WDFY1: variants seen among roughly 807,000 people sequenced by gnomAD.
WDFY1 encodes the protein WD repeat and FYVE domain containing 1.
A neutral mutation model predicts 56.4 loss-of-function variants in WDFY1; 32 were observed. The ratio of observed to expected loss-of-function variants is 0.57; its 90% CI spans 0.43 to 0.76. WDFY1 has a LOEUF of 0.76. Among genes scored for constraint, WDFY1 ranks in the 30% least tolerant of loss-of-function variants. The probability of loss-of-function intolerance (pLI) is 0.00; values close to 1 mark genes in which losing one functional copy is unlikely to be tolerated. For missense variants in WDFY1, 480 were observed against 545.7 expected, an observed-to-expected ratio of 0.88 and a Z score of 1.20; for synonymous variants, 192 against 197.3, an observed-to-expected ratio of 0.97 and a Z score of 0.23.
At chr2:223,932,548 T>C (rs1006911125) in intron 1 of WDFY1, among the ~76,000 whole-genome samples, 3 of 152,174 alleles carry the variant, frequency 2.0e-5, no homozygotes, top group Non-Finnish European at 4.4e-5. Context: ...AATATCTTTT[T>C]TAAACTTTCT....
intron 1 of WDFY1, among the ~76,000 whole-genome samples, chr2:223,933,516 C>G (rs1429111334): frequency 6.6e-6 from 1 of 152,000 alleles, no homozygotes; most frequent in Non-Finnish European, 1.5e-5. Context: ...ATCTAGGCAA[C>G]ACTTTCTTAC....
Position 223,884,738 on chromosome 2 carries a change from C to A in WDFY1, c.843G>T (p.Trp281Cys). The A allele has an allele frequency of 2.5e-6, 4 of 1,614,114 alleles. No individual in the cohort carries two copies. The highest frequency in any genetic ancestry group is 2.5e-6 in the Non-Finnish European group (3 of 1,179,990). The change falls in exon 9 of 12, where the codon TGG becomes TGT. Residue 281 changes from tryptophan (W) to cysteine (C), a missense_variant. By Grantham distance (215) the Trp-to-Cys change is radical (BLOSUM62 -2). Transcript: ENST00000233055. ...MDVSREEAPQ[W>C]LESDSCQKCE... ...ATTTCTGACAAGAATCACTTTCCAACCACTGAGGAGCCTGGGGGAGCAGAA... is the reference window on the plus strand; with the variant it reads ...ATTTCTGACAAGAATCACTTTCCAAACACTGAGGAGCCTGGGGGAGCAGAA...
chr2:223,896,219 CGTT>C (rs1458082766), intron 6 of WDFY1, among the ~76,000 whole-genome samples: 5 of 131,112 alleles, frequency 3.8e-5, no homozygotes, highest in Admixed American at 8.0e-5. Context: ...AGAAGTTTTT[CGTT>C]CTTCTGTGAC....
At chr2:223,933,788 C>A (rs71353861) in intron 1 of WDFY1, among the ~76,000 whole-genome samples, 33,606 of 124,102 alleles carry the variant, frequency 0.27, 4,669 homozygotes, top group South Asian at 0.42. Flanking sequence ...GAGACCCCCC[C>A]CCATCTCTAC....
chr2:223,881,498 A>C (rs1162124637), intron 10 of WDFY1, among the ~76,000 whole-genome samples: 2 of 152,160 alleles, frequency 1.3e-5, no homozygotes, highest in Admixed American at 6.5e-5. Context: ...CTCTTCAAAA[A>C]TGGCTTAGGG....
At position 223,899,050 on chromosome 2, in the gene WDFY1, T is replaced by G; in HGVS notation, c.506A>C (p.Tyr169Ser). The change falls in exon 6 of 12, where the codon TAT (tyrosine) becomes TCT (serine). Residue 169 changes from tyrosine to serine, a missense_variant. Physicochemically the swap from Tyr to Ser is moderately radical, Grantham distance 144. Coordinates refer to ENST00000233055, the MANE Select transcript of WDFY1 (RefSeq NM_020830.5). The part of the protein sequence containing the change: ...SCLQYDFDTQ[Y>S]AFVGDYSGQI... ...CCCAGAATAATCACCAACGAAAGCA[T>G]ACTGAGTGTCAAAGTCATATCTGAG... The G allele has an allele frequency of 6.2e-7, 1 of 1,614,138 alleles. No individual in the cohort carries two copies. Among genetic ancestry groups the G allele is most frequent in the Non-Finnish European group, 8.5e-7 (1 of 1,180,002 alleles).
Position 223,895,611 on chromosome 2 carries a change from C to G in WDFY1, c.618G>C (p.Trp206Cys). ...AGAGTAACCGCTGAATAGGGTCCCA[C>G]CAGAGGCAGGCGACACTACCTAGGG... ...KGHEGSVACL[W>C]WDPIQRLLFS... The change falls in exon 7 of 12, where the codon TGG becomes TGC. Residue 206 changes from tryptophan to cysteine, a missense_variant. Trp to Cys is a radical substitution (Grantham distance 215). Transcript: ENST00000233055. The G allele has an allele frequency of 6.2e-7, 1 of 1,613,906 alleles. No individual in the cohort carries two copies. Among genetic ancestry groups the G allele is most frequent in the Non-Finnish European group, 8.5e-7 (1 of 1,179,940 alleles).
chr2:223,938,043 A>G (rs1489268285), intron 1 of WDFY1, among the ~76,000 whole-genome samples: 1 of 152,218 alleles, frequency 6.6e-6, no homozygotes, highest in Non-Finnish European at 1.5e-5. Context: ...TATAATTTTT[A>G]AAAAAGGAAA....
intron 3 of WDFY1, among the ~76,000 whole-genome samples, 196 bp downstream of exon 3, chr2:223,912,057 C>T (rs928149786): frequency 2.6e-5 from 4 of 152,192 alleles, no homozygotes; most frequent in African/African-American, 4.8e-5. Flanking sequence ...TCAAGCGATC[C>T]GCCCGCCTCA....
intron 1 of WDFY1, among the ~76,000 whole-genome samples, chr2:223,927,258 T>C (rs1693999376): frequency 1.3e-5 from 2 of 152,246 alleles, no homozygotes; most frequent in African/African-American, 4.8e-5. Flanking sequence ...ACTTCTCTAC[T>C]AGCTATGAAA....
At chr2:223,879,650 A>ACC (rs1459199928) in intron 11 of WDFY1, among the ~76,000 whole-genome samples, 1 of 151,138 alleles carries the variant, frequency 6.6e-6, no homozygotes, top group Non-Finnish European at 1.5e-5. Context: ...ACAGAGCAAG[A>ACC]CCCATCTCAA....
At chr2:223,941,283 AAAAAC>A (rs1689299676) in intron 1 of WDFY1, among the ~76,000 whole-genome samples, 1 of 151,792 alleles carries the variant, frequency 6.6e-6, no homozygotes, top group African/African-American at 2.4e-5. Context: ...TTTTAATTTA[AAAAAC>A]AAAACAAAAC....
intron 3 of WDFY1, among the ~76,000 whole-genome samples, chr2:223,911,304 T>C (rs1420301151): frequency 1.3e-5 from 2 of 152,024 alleles, no homozygotes; most frequent in Non-Finnish European, 2.9e-5. Flanking sequence ...GATGAAAATA[T>C]TCTGGAATTA....
intron 8 of WDFY1, among the ~76,000 whole-genome samples, chr2:223,888,557 AATACAG>A (rs1271208211): frequency 6.6e-6 from 1 of 151,950 alleles, no homozygotes; most frequent in Non-Finnish European, 1.5e-5. Flanking sequence ...TTTAAAAATA[AATACAG>A]ATAAGCCATT....
chr2:223,919,367 C>T (rs1384772339), intron 1 of WDFY1, among the ~76,000 whole-genome samples: 2 of 152,198 alleles, frequency 1.3e-5, no homozygotes, highest in Non-Finnish European at 2.9e-5. Flanking sequence ...CACGCCACCA[C>T]ACCCAGCTAA....
At chr2:223,935,835 G>T (rs1258247685) in intron 1 of WDFY1, among the ~76,000 whole-genome samples, 2 of 152,142 alleles carry the variant, frequency 1.3e-5, no homozygotes, top group Non-Finnish European at 2.9e-5. Flanking sequence ...GGAGGAGGTG[G>T]AACTTGAAGT....
chr2:223,909,692 C>G (rs989901648), intron 3 of WDFY1, among the ~76,000 whole-genome samples: 1 of 152,066 alleles, frequency 6.6e-6, no homozygotes, highest in Admixed American at 6.5e-5. Flanking sequence ...TGGCTGTCAT[C>G]TGACTTCTCT....
chr2:223,927,529 G>A lies in WDFY1; in HGVS notation c.138-9519C>T, dbSNP rs1034739107. ...CCCTCTCAGGCTTCATAAAATCGAA[G>A]AGGATTAAGGCCTTGCTCTGGATGA... On this transcript the variant is annotated intron_variant, in intron 1 of 11. Transcript: ENST00000233055. Among the ~76,000 whole-genome samples the A allele has an allele frequency of 2.0e-5, 3 of 152,178 alleles. No homozygotes were observed. In the South Asian group the frequency reaches 6.2e-4, roughly 31 times the overall value.
At chr2:223,922,547 T>G (rs1693904885) in intron 1 of WDFY1, among the ~76,000 whole-genome samples, 1 of 152,246 alleles carries the variant, frequency 6.6e-6, no homozygotes, top group Non-Finnish European at 1.5e-5. Context: ...GCTTCATTCG[T>G]ACAATCACAA....
Sources: allele counts gnomAD v4.1 joint callset (sites outside exome capture counted in the v4.1 genomes callset), GRCh38; gene constraint gnomAD v4.1.1; transcripts MANE v1.5; gene names NCBI Gene and HGNC (gene_info 2026-07-23, HGNC 2026-07-21).